SBNO2: variants seen among roughly 807,000 people sequenced by gnomAD.
SBNO2 encodes the protein protein strawberry notch homolog 2.
In SBNO2, 89 loss-of-function variants were observed where a neutral mutation model predicts 146.3. The ratio of observed to expected loss-of-function variants is 0.61; its 90% CI spans 0.51 to 0.73. The LOEUF (loss-of-function observed/expected upper bound fraction) is 0.73. Among genes scored for constraint, SBNO2 ranks in the 30% least tolerant of loss-of-function variants. The pLI is 0.00. For synonymous variants in SBNO2, 1,147 were observed against 892.6 expected, an observed-to-expected ratio of 1.29 and a Z score of -5.08; for missense variants, 2,092 against 2,003.7, an observed-to-expected ratio of 1.04 and a Z score of -0.84.
intron 4 of SBNO2, among the ~76,000 whole-genome samples, chr19:1,143,928 G>C (rs2080162702): frequency 6.6e-6 from 1 of 152,232 alleles, no homozygotes; most frequent in Non-Finnish European, 1.5e-5. Context: ...GCAGGTCCTG[G>C]GGATCAGGAC....
chr19:1,123,879 G>A (rs978774963), intron 6 of SBNO2, 63 bp downstream of exon 6: 10 of 1,500,656 alleles, frequency 6.7e-6, no homozygotes, highest in African/African-American at 1.4e-5. Context: ...TGCCTGTGCT[G>A]AGCCCTCTCC....
At chr19:1,128,384 T>C (rs2079991847) in intron 4 of SBNO2, 7 of 311,250 alleles carry the variant, frequency 2.2e-5, no homozygotes, top group South Asian at 1.6e-4. Context: ...AGGAGATGTA[T>C]GTACATCATT....
At chr19:1,161,074 G>A (rs2145332906) in intron 1 of SBNO2, among the ~76,000 whole-genome samples, 2 of 129,966 alleles carry the variant, frequency 1.5e-5, no homozygotes, top group Admixed American at 7.8e-5. Flanking sequence ...TGGGGGTGGG[G>A]GTGCCTGAGC....
chr19:1,117,574 C>T, intron 14 of SBNO2, 75 bp from the exon 15 acceptor site: 1 of 1,456,598 alleles, frequency 6.9e-7, no homozygotes, highest in African/African-American at 1.4e-5. Context: ...CCACCTGCCG[C>T]CAGCCCTGGG....
chr19:1,127,851 A>G, intron 4 of SBNO2, 86 bp from the exon 5 acceptor site: 1 of 1,256,326 alleles, frequency 8.0e-7, no homozygotes, highest in Non-Finnish European at 1.1e-6. Flanking sequence ...GATGGGAGAC[A>G]CCACGGCCCT....
In SBNO2 at chr19:1,136,645, C is replaced by A. The variant is rs142717741; in HGVS notation, c.280-8880G>T. On this transcript the variant is annotated intron_variant, in intron 4 of 31. Coordinates refer to ENST00000361757, the MANE Select transcript of SBNO2 (RefSeq NM_014963.3). The surrounding 1 kb of genome is among the most constrained non-coding windows in gnomAD (Gnocchi z 4.2). The stretch of plus-strand genomic sequence containing the variant: ...TCCCCCTCTCCCTCTCCCTCCTTCG[C>A]TCCCTCATCTCTCTCCCTCTTTTTT... Among the ~76,000 whole-genome samples, 243 of 152,334 alleles carry A rather than the reference C, an allele frequency of 1.6e-3. No individual in the cohort carries two copies. The highest frequency in any genetic ancestry group is 5.5e-3 in the African/African-American group (228 of 41,582).
At chr19:1,171,307 C>T (rs182806788) in intron 1 of SBNO2, among the ~76,000 whole-genome samples, 7 of 151,910 alleles carry the variant, frequency 4.6e-5, no homozygotes, top group Non-Finnish European at 7.4e-5. Flanking sequence ...AATGCACGTG[C>T]GTACGTACAA....
intron 16 of SBNO2, 131 bp downstream of exon 16, chr19:1,116,698 G>C (rs1357005468): frequency 1.4e-6 from 1 of 718,920 alleles, no homozygotes; most frequent in Admixed American, 3.0e-5. Flanking sequence ...TGAGGCTGGG[G>C]GCCCAGCAAA....
intron 1 of SBNO2, among the ~76,000 whole-genome samples, chr19:1,172,375 G>A (rs1034307355): frequency 2.6e-5 from 4 of 152,182 alleles, no homozygotes; most frequent in Admixed American, 6.5e-5. Flanking sequence ...ACTGTGAGAA[G>A]CCATCACCCC....
In SBNO2 at chr19:1,133,305, T is replaced by A. The variant is rs1418826192; in HGVS notation, c.280-5540A>T. Among the ~76,000 whole-genome samples the A allele has an allele frequency of 4.6e-5, 7 of 151,894 alleles. No homozygotes were observed. In the East Asian group the frequency reaches 1.2e-3, roughly 25 times the overall value. On this transcript the variant is annotated intron_variant, in intron 4 of 31. Coordinates refer to ENST00000361757, the MANE Select transcript of SBNO2 (RefSeq NM_014963.3). ...GGCCCGGCCCTGTGGCCAGGGGCCC[T>A]GGGAAAGAAGGAAACCGCCCCGAGA...
In SBNO2 at chr19:1,123,550, G is replaced by C; in HGVS notation, c.612C>G (p.Asp204Glu). The C allele has an allele frequency of 6.2e-7, 1 of 1,613,496 alleles. No individual in the cohort carries two copies. ...EELGHTETYA[D>E]YVPSKSKIGK... ...GCCACTCACACTTGGACGGCACGTAGTCGGCGTAGGTCTCTGTGTGCCCCA... is the reference window on the plus strand; with the variant it reads ...GCCACTCACACTTGGACGGCACGTACTCGGCGTAGGTCTCTGTGTGCCCCA... Residue 204 changes from aspartate (D) to glutamate (E), a missense_variant, in exon 7 of 32, where the codon GAC becomes GAG. Coordinates refer to ENST00000361757, the MANE Select transcript of SBNO2 (RefSeq NM_014963.3).
Position 1,108,529 on chromosome 19 carries a change from C to CG in SBNO2, c.3791dup (p.Ala1265GlyfsTer107). The CG allele has an allele frequency of 2.6e-6, 3 of 1,157,994 alleles. No homozygotes were observed. The highest frequency in any genetic ancestry group is 3.2e-6 in the Non-Finnish European group (3 of 942,836). The allele number at this position is 1,157,994 out of a possible 1,614,324, so 71.7% of individuals were successfully genotyped here. A position where few individuals can be genotyped will look rare whatever the true frequency, so the allele number is the denominator to read the frequency against. ...GCGGGGGCGGCGGGAAGGCCTCGGC[C>CG]GGGGGGCTGTAGGTGAGGTCCAGCA... is the stretch of plus-strand genomic sequence containing the variant. On this transcript the variant is annotated frameshift_variant, in exon 32 of 32. Coordinates refer to ENST00000361757, the MANE Select transcript of SBNO2 (RefSeq NM_014963.3). LOFTEE classifies it low-confidence loss of function (END_TRUNC).
chr19:1,138,140 G>A (rs1415838181), intron 4 of SBNO2, among the ~76,000 whole-genome samples: 2 of 39,662 alleles, frequency 5.0e-5, no homozygotes, highest in East Asian at 1.6e-3. Flanking sequence ...TCGGGCTGGG[G>A]TGCAGTGGGG....
intron 1 of SBNO2, among the ~76,000 whole-genome samples, chr19:1,165,025 GTGCCCGGAGGA>G (rs2080399056): frequency 6.6e-6 from 1 of 151,456 alleles, no homozygotes; most frequent in Non-Finnish European, 1.5e-5. Flanking sequence ...TCCACAGGGT[GTGCCCGGAGGA>G]GGTCAAGACT....
intron 2 of SBNO2, among the ~76,000 whole-genome samples, chr19:1,153,828 T>C (rs951236396): frequency 3.3e-5 from 5 of 152,176 alleles, no homozygotes; most frequent in African/African-American, 1.2e-4. Context: ...ACGAGCCACT[T>C]GGCCAGAAAC....
At position 1,116,897 on chromosome 19, in the gene SBNO2, G is replaced by A. The variant is rs767349549; in HGVS notation, c.1734C>T (p.Gly578=). The change falls in exon 16 of 32, where the codon GGC becomes GGT. Residue 578 remains glycine (G), a synonymous_variant. Transcript: ENST00000361757. ...KCVVIGLQST[G]EARTREVLGE... ...CCAGCACCTCCCGCGTGCGCGCCTCGCCCGTGGACTGCAGCCCGATGACCA... is the reference window on the plus strand; with the variant it reads ...CCAGCACCTCCCGCGTGCGCGCCTCACCCGTGGACTGCAGCCCGATGACCA... The A allele has an allele frequency of 5.7e-6, 9 of 1,570,686 alleles. No homozygotes were observed. Among genetic ancestry groups the A allele is most frequent in the South Asian group, 3.5e-5 (3 of 86,394 alleles).
chr19:1,168,974 CT>C (rs1473535487), intron 1 of SBNO2: 7 of 152,294 alleles, frequency 4.6e-5, no homozygotes, highest in African/African-American at 1.7e-4. Context: ...GCGCACATCA[CT>C]TTCAAAACGC....
At chr19:1,166,368 C>T (rs1442767970) in intron 1 of SBNO2, among the ~76,000 whole-genome samples, 1 of 152,228 alleles carries the variant, frequency 6.6e-6, no homozygotes, top group Non-Finnish European at 1.5e-5. Context: ...ATGCTCCGAG[C>T]GGGCCTCACT....
rs754405803 is a variant in SBNO2, at chr19:1,147,442, G to T, written c.168-22C>A. ...CGGGCTGGAGGGAGATGGGGGGGGG[G>T]GAGGTGAGATGGGGTGCTCAACCCA... On this transcript the variant is annotated intron_variant, in intron 3 of 31. Coordinates refer to ENST00000361757, the MANE Select transcript of SBNO2 (RefSeq NM_014963.3). 6.2e-6 allele frequency: 7 copies of T among 1,125,962 alleles called. 1 individual carries two copies. The highest frequency in any genetic ancestry group is 5.9e-5 in the South Asian group (4 of 67,650). The allele number at this position is 1,125,962 out of a possible 1,614,324, so 69.7% of individuals were successfully genotyped here.
Sources: gnomAD v4.1 joint callset for allele counts (sites outside exome capture counted in the v4.1 genomes callset) on GRCh38, gnomAD v4.1.1 for gene constraint, Gnocchi (gnomAD v3.1) non-coding constraint, MANE v1.5 for transcripts, NCBI Gene and HGNC (gene_info 2026-07-23, HGNC 2026-07-21) for gene names.